MCL1: variants seen among roughly 807,000 people sequenced by gnomAD.
MCL1 encodes the protein induced myeloid leukemia cell differentiation protein Mcl-1.
A neutral mutation model predicts 24.2 loss-of-function variants in MCL1; 4 were observed. The ratio of observed to expected loss-of-function variants is 0.17; its 90% confidence interval spans 0.08 to 0.38. MCL1 has a LOEUF of 0.38. Among genes scored for constraint, MCL1 ranks in the 10% least tolerant of loss-of-function variants. The pLI is 1.00. For synonymous variants in MCL1, 248 were observed against 214.0 expected (o/e 1.16, Z -1.39); for missense variants, 529 against 480.3 (o/e 1.10, Z -0.95).
Position 150,574,620 on chromosome 1 carries a change from T to C in MCL1, c.*2755A>G, listed in dbSNP as rs36123358. The C allele has an allele frequency of 3.2e-3, 741 of 232,414 alleles. 5 individuals are homozygous for C. The highest frequency in any genetic ancestry group is 0.012 in the Middle Eastern group (9 of 782). 14.4% of individuals were successfully genotyped at this position (232,414 alleles called of 1,614,324 possible). The stretch of plus-strand genomic sequence containing the variant: ...CAGAAAGTTAGGGAAACACACTACA[T>C]TTGACAACCAACATTAATTTGTAGT... On this transcript the variant is annotated 3_prime_UTR_variant, in exon 3 of 3. Transcript: ENST00000369026.
In MCL1 at chr1:150,574,679, G is replaced by C. The variant is rs1647710608; in HGVS notation, c.*2696C>G. 1 of 233,108 alleles carries C rather than the reference G, an allele frequency of 4.3e-6. No homozygotes were observed. The highest frequency in any genetic ancestry group is 6.1e-5 in the East Asian group (1 of 16,520). 14.4% of individuals were successfully genotyped at this position (233,108 alleles called of 1,614,324 possible). ...ACCCTTCCTGGCACAGCTATCAAAAGTACAGCTGTTTAACCAGAACCAAGG... is the reference window on the plus strand; with the variant it reads ...ACCCTTCCTGGCACAGCTATCAAAACTACAGCTGTTTAACCAGAACCAAGG... On this transcript the variant is annotated 3_prime_UTR_variant, in exon 3 of 3. Coordinates refer to ENST00000369026, the MANE Select transcript of MCL1 (RefSeq NM_021960.5).
Position 150,577,004 on chromosome 1 carries a change from G to A in MCL1, c.*371C>T. The A allele has an allele frequency of 6.9e-6, 2 of 287,774 alleles. No individual in the cohort carries two copies. The highest frequency in any genetic ancestry group is 1.3e-4 in the South Asian group (2 of 15,220). 17.8% of individuals were successfully genotyped at this position (287,774 alleles called of 1,614,324 possible). A position where few individuals can be genotyped will look rare whatever the true frequency, so the allele number is the denominator to read the frequency against. On this transcript the variant is annotated 3_prime_UTR_variant, in exon 3 of 3. Coordinates refer to ENST00000369026, the MANE Select transcript of MCL1 (RefSeq NM_021960.5). ...TCTCTTAACACTACAGTAAATTAAT[G>A]AATTCGGCGGGTAATCAATTCTATG... is the stretch of plus-strand genomic sequence containing the variant.
At position 150,579,360 on chromosome 1, in the gene MCL1, A is replaced by C. The variant is rs758996875; in HGVS notation, c.171T>G (p.Ile57Met). The C allele has an allele frequency of 6.7e-7, 1 of 1,484,752 alleles. No individual in the cohort carries two copies. Among genetic ancestry groups the C allele is most frequent in the Non-Finnish European group, 8.9e-7 (1 of 1,126,174 alleles). 92.0% of individuals were successfully genotyped at this position (1,484,752 alleles called of 1,614,324 possible). A position where few individuals can be genotyped will look rare whatever the true frequency, so the allele number is the denominator to read the frequency against. ...GGGGGCTTGCGCCGGCGCTTCCGCC[A>C]ATCACCGCGCCGGCCTCCCCTCCCC... ...EIGGGEAGAV[I>M]GGSAGASPPS... The change falls in exon 1 of 3, where the codon ATT becomes ATG. Residue 57 changes from isoleucine (I) to methionine (M), a missense_variant. Transcript: ENST00000369026.
intron 2 of MCL1, 47 bp downstream of exon 2, chr1:150,578,197 A>C: frequency 1.3e-6 from 2 of 1,578,516 alleles, no homozygotes; most frequent in Non-Finnish European, 1.7e-6. Context: ...AAAATCCTTC[A>C]TTCTACTTCC....
In MCL1 at chr1:150,577,211, C is replaced by T; in HGVS notation, c.*164G>A. 4 of 812,198 alleles carry T rather than the reference C, an allele frequency of 4.9e-6. No homozygotes were observed. The East Asian group carries it at 1.1e-4, about 22-fold the overall frequency. 50.3% of individuals were successfully genotyped at this position (812,198 alleles called of 1,614,324 possible). A position where few individuals can be genotyped will look rare whatever the true frequency, so the allele number is the denominator to read the frequency against. On this transcript the variant is annotated 3_prime_UTR_variant, in exon 3 of 3. Transcript: ENST00000369026. ...CTTCAATCAATGGGGAGCACTCTTC[C>T]CATGTATTTATTCTTGTTAGCCATA...
chr1:150,579,247 C>G lies in MCL1; in HGVS notation c.284G>C (p.Arg95Thr), dbSNP rs1032446625. The change falls in exon 1 of 3, where the codon AGG becomes ACG. Residue 95 changes from arginine to threonine, a missense_variant. Transcript: ENST00000369026. ...EVPDVTATPA[R>T]LLFFAPTRRA... is the part of the protein sequence containing the mutation. The stretch of plus-strand genomic sequence containing the variant: ...GCGGGTGGGCGCGAAGAAAAGCAGC[C>G]TCGCGGGGGTCGCGGTGACGTCGGG... 1 of 1,529,072 alleles carries G rather than the reference C, an allele frequency of 6.5e-7. No homozygotes were observed. The highest frequency in any genetic ancestry group is 8.7e-7 in the Non-Finnish European group (1 of 1,144,312). The allele number at this position is 1,529,072 out of a possible 1,614,324, so 94.7% of individuals were successfully genotyped here. A position where few individuals can be genotyped will look rare whatever the true frequency, so the allele number is the denominator to read the frequency against.
chr1:150,577,060 C>G lies in MCL1; in HGVS notation c.*315G>C. The G allele has an allele frequency of 3.4e-6, 1 of 291,238 alleles. No individual in the cohort carries two copies. The highest frequency in any genetic ancestry group is 5.3e-5 in the East Asian group (1 of 18,930). 18.0% of individuals were successfully genotyped at this position (291,238 alleles called of 1,614,324 possible). ...CCTGGCTACTGGCCACTTTCCTGTTCTCAACAAGGAAATTAAGTCTTTCCA... is the reference window on the plus strand; with the variant it reads ...CCTGGCTACTGGCCACTTTCCTGTTGTCAACAAGGAAATTAAGTCTTTCCA... On this transcript the variant is annotated 3_prime_UTR_variant, in exon 3 of 3. Transcript: ENST00000369026.
At position 150,579,064 on chromosome 1, in the gene MCL1, G is replaced by A. The variant is rs751936394; in HGVS notation, c.467C>T (p.Thr156Met). ...CGGCGTCGAGGGTAGTGACCCGTCC[G>A]TACTGGTGTTATTACCAGATTCCCC... ...LVGESGNNTS[T>M]DGSLPSTPPP... is the part of the protein sequence containing the mutation. Residue 156 changes from threonine to methionine, a missense_variant, in exon 1 of 3, where the codon ACG (threonine) becomes ATG (methionine). Physicochemically the swap from Thr to Met is moderately conservative, Grantham distance 81 (BLOSUM62 -1). Coordinates refer to ENST00000369026, the MANE Select transcript of MCL1 (RefSeq NM_021960.5). The A allele has an allele frequency of 6.2e-7, 1 of 1,613,258 alleles. No individual in the cohort carries two copies. The highest frequency in any genetic ancestry group is 1.1e-5 in the South Asian group (1 of 91,088).
intron 1 of MCL1, 90 bp from the exon 2 acceptor site, chr1:150,578,581 A>G (rs1647918505): frequency 6.7e-7 from 1 of 1,501,886 alleles, no homozygotes; most frequent in Non-Finnish European, 9.1e-7. Flanking sequence ...GAAAATCGCT[A>G]CTGGGATTTA....
chr1:150,577,256 T>A lies in MCL1; in HGVS notation c.*119A>T. 7.4e-7 allele frequency: 1 copy of A among 1,344,196 alleles called. No homozygotes were observed. The highest frequency in any genetic ancestry group is 1.0e-6 in the Non-Finnish European group (1 of 987,834). The allele number at this position is 1,344,196 out of a possible 1,614,324, so 83.3% of individuals were successfully genotyped here. A position where few individuals can be genotyped will look rare whatever the true frequency, so the allele number is the denominator to read the frequency against. On this transcript the variant is annotated 3_prime_UTR_variant, in exon 3 of 3. Transcript: ENST00000369026. ...GCCATAATCCTCTTGCCACTTGCTT[T>A]TCTGGCTAGGTTGCTAGGGTGCAAC...
intron 1 of MCL1, 95 bp from the exon 2 acceptor site, chr1:150,578,586 G>A (rs964133729): frequency 8.5e-5 from 126 of 1,486,328 alleles, no homozygotes; most frequent in Non-Finnish European, 1.1e-4. Flanking sequence ...TCGCTACTGG[G>A]ATTTACAGAA....
rs1005065749 is a variant in MCL1, at chr1:150,579,552, G to A, written c.-22C>T. On this transcript the variant is annotated 5_prime_UTR_variant, in exon 1 of 3. Coordinates refer to ENST00000369026, the MANE Select transcript of MCL1 (RefSeq NM_021960.5). The stretch of plus-strand genomic sequence containing the variant: ...ACATTGCCAGTCGCCGCCGCCGCCT[G>A]GCTGAGAAAACTGGGGAAGACCCCG... 46 of 1,586,684 alleles carry A rather than the reference G, an allele frequency of 2.9e-5. No individual in the cohort carries two copies. Among genetic ancestry groups the A allele is most frequent in the Non-Finnish European group, 3.8e-5 (44 of 1,168,418 alleles).
In MCL1 at chr1:150,578,960, T is replaced by C. The variant is rs764147144; in HGVS notation, c.571A>G (p.Thr191Ala). 2 of 1,613,684 alleles carry C rather than the reference T, an allele frequency of 1.2e-6. No individual in the cohort carries two copies. The highest frequency in any genetic ancestry group is 1.1e-5 in the South Asian group (1 of 91,080). The change falls in exon 1 of 3, where the codon ACC (threonine) becomes GCC (alanine). Residue 191 changes from threonine to alanine, a missense_variant. Physicochemically the swap from Thr to Ala is moderately conservative, Grantham distance 58. Transcript: ENST00000369026. ...IISRYLREQA[T>A]GAKDTKPMGR... The stretch of plus-strand genomic sequence containing the variant: ...ATTGGCTTTGTGTCCTTGGCGCCGG[T>C]GGCCTGCTCCCGAAGGTACCGAGAG...
chr1:150,578,480 T>G lies in MCL1; in HGVS notation c.700A>C (p.Lys234Gln), dbSNP rs1181707820. The change falls in exon 2 of 3, where the codon AAA (lysine) becomes CAA (glutamine). Residue 234 changes from lysine (K) to glutamine (Q), a missense_variant. By Grantham distance (53) the Lys-to-Gln change is moderately conservative. Transcript: ENST00000369026. ...HETAFQGMLRKLDIKNEDDVK... is the reference protein window; with the variant it reads ...HETAFQGMLRQLDIKNEDDVK... ...TCGTCTTCGTTTTTGATGTCCAGTT[T>G]CCGAAGCATGCCTGAGAAAGAAAAG... 5.6e-6 allele frequency: 9 copies of G among 1,614,168 alleles called. No homozygotes were observed. The highest frequency in any genetic ancestry group is 2.2e-5 in the East Asian group (1 of 44,892).
At chr1:150,577,525 T>C in intron 2 of MCL1, 34 bp from the exon 3 acceptor site, 2 of 1,481,036 alleles carry the variant, frequency 1.4e-6, no homozygotes, top group Middle Eastern at 1.7e-4. Context: ...CATTTTCAAG[T>C]ATGGGTTTCT....
Position 150,579,532 on chromosome 1 carries a change from G to A in MCL1, c.-2C>T. The A allele has an allele frequency of 1.3e-6, 2 of 1,595,384 alleles. No homozygotes were observed. Among genetic ancestry groups the A allele is most frequent in the East Asian group, 4.7e-5 (2 of 42,336 alleles). On this transcript the variant is annotated 5_prime_UTR_variant, in exon 1 of 3. Transcript: ENST00000369026. ...CGCGTTTCTTTTGAGGCCAAACATTGCCAGTCGCCGCCGCCGCCTGGCTGA... is the reference window on the plus strand; with the variant it reads ...CGCGTTTCTTTTGAGGCCAAACATTACCAGTCGCCGCCGCCGCCTGGCTGA...
chr1:150,579,367 G>T lies in MCL1; in HGVS notation c.164C>A (p.Ala55Glu), dbSNP rs775581615. The T allele has an allele frequency of 3.4e-6, 5 of 1,491,026 alleles. No individual in the cohort carries two copies. The South Asian group carries it at 5.4e-5, about 16-fold the overall frequency. 92.4% of individuals were successfully genotyped at this position (1,491,026 alleles called of 1,614,324 possible). A position where few individuals can be genotyped will look rare whatever the true frequency, so the allele number is the denominator to read the frequency against. The part of the protein sequence containing the change: ...RREIGGGEAG[A>E]VIGGSAGASP... ...TGCGCCGGCGCTTCCGCCAATCACCGCGCCGGCCTCCCCTCCCCCTATCTC... is the reference window on the plus strand; with the variant it reads ...TGCGCCGGCGCTTCCGCCAATCACCTCGCCGGCCTCCCCTCCCCCTATCTC... The change falls in exon 1 of 3, where the codon GCG becomes GAG. Residue 55 changes from alanine to glutamate, a missense_variant. Coordinates refer to ENST00000369026, the MANE Select transcript of MCL1 (RefSeq NM_021960.5).
Position 150,575,628 on chromosome 1 carries a change from A to T in MCL1, c.*1747T>A, listed in dbSNP as rs1647765784. On this transcript the variant is annotated 3_prime_UTR_variant, in exon 3 of 3. Coordinates refer to ENST00000369026, the MANE Select transcript of MCL1 (RefSeq NM_021960.5). ...AGGGACTTCCTCCCACCTCTCAATG[A>T]CTGTTAGTGTCACAGCACCCATGGT... is the stretch of plus-strand genomic sequence containing the variant. 1 of 233,014 alleles carries T rather than the reference A, an allele frequency of 4.3e-6. No individual in the cohort carries two copies. Among genetic ancestry groups the T allele is most frequent in the Admixed American group, 5.6e-5 (1 of 17,754 alleles). 14.4% of individuals were successfully genotyped at this position (233,014 alleles called of 1,614,324 possible). A position where few individuals can be genotyped will look rare whatever the true frequency, so the allele number is the denominator to read the frequency against.
chr1:150,579,077 T>C lies in MCL1; in HGVS notation c.454A>G (p.Asn152Asp), dbSNP rs1280943831. 1.2e-6 allele frequency: 2 copies of C among 1,613,164 alleles called. No individual in the cohort carries two copies. The highest frequency in any genetic ancestry group is 1.7e-6 in the Non-Finnish European group (2 of 1,180,012). Reference protein sequence around the residue: ...PLLELVGESGNNTSTDGSLPS... With the variant: ...PLLELVGESGDNTSTDGSLPS... The stretch of plus-strand genomic sequence containing the variant: ...AGTGACCCGTCCGTACTGGTGTTAT[T>C]ACCAGATTCCCCGACCAACTCCAGC... Residue 152 changes from asparagine (N) to aspartate (D), a missense_variant, in exon 1 of 3, where the codon AAT becomes GAT. Transcript: ENST00000369026.
Sources: gnomAD v4.1 joint callset for allele counts on GRCh38, gnomAD v4.1.1 for gene constraint, MANE v1.5 for transcripts, NCBI Gene and HGNC (gene_info 2026-07-23, HGNC 2026-07-21) for gene names.